Variants in TRAFD1 observed in about 807,000 individuals in gnomAD.
TRAFD1 encodes TRAF-type zinc finger domain-containing protein 1.
In TRAFD1, 38 loss-of-function variants were observed where a neutral mutation model predicts 65.3. The observed-to-expected ratio is 0.58, with a 90% CI of 0.45 to 0.76. The LOEUF (loss-of-function observed/expected upper bound fraction) is 0.76, where lower values mean the gene tolerates loss of function less well. TRAFD1 is among the 30% of genes least tolerant of loss of function. TRAFD1 has a pLI of 0.00. For missense variants in TRAFD1, 631 were observed against 712.6 expected (o/e 0.89, Z 1.30); for synonymous variants, 223 against 257.2 (o/e 0.87, Z 1.27).
chr12:112,127,174 T>A (rs1033393640), intron 1 of TRAFD1, among the ~76,000 whole-genome samples: 2 of 152,172 alleles, frequency 1.3e-5, no homozygotes, highest in African/African-American at 4.8e-5. Flanking sequence ...TTTCCCCGCA[T>A]TCCCATCCTC....
intron 1 of TRAFD1, among the ~76,000 whole-genome samples, chr12:112,128,121 A>G (rs113557045): frequency 7.2e-5 from 11 of 151,976 alleles, no homozygotes; most frequent in African/African-American, 2.7e-4. Context: ...TCCCGGGTTC[A>G]AGCAATTCTG....
intron 2 of TRAFD1, among the ~76,000 whole-genome samples, chr12:112,134,311 G>A (rs937202417): frequency 8.1e-6 from 1 of 124,104 alleles, no homozygotes; most frequent in Non-Finnish European, 1.7e-5. Context: ...CGCCCGGCCA[G>A]TTTTTTTTTT....
At chr12:112,126,659 CTT>C (rs113787826) in intron 1 of TRAFD1, among the ~76,000 whole-genome samples, 6 of 145,496 alleles carry the variant, frequency 4.1e-5, no homozygotes, top group Non-Finnish European at 7.6e-5. Flanking sequence ...GAGTGAATAT[CTT>C]TTTTTTTTTT....
intron 6 of TRAFD1, among the ~76,000 whole-genome samples, chr12:112,144,908 T>C (rs1371769948): frequency 3.9e-5 from 6 of 151,944 alleles, no homozygotes; most frequent in African/African-American, 1.5e-4. Context: ...AATAGAAACA[T>C]AAAAAACAGA....
chr12:112,129,194 T>A (rs1172369142), intron 1 of TRAFD1, among the ~76,000 whole-genome samples: 1 of 48,624 alleles, frequency 2.1e-5, no homozygotes, highest in Admixed American at 2.2e-4. Flanking sequence ...GGGATGGTGA[T>A]TTTTTTTTTT....
rs1387623555 is a variant in TRAFD1, at chr12:112,137,051, C to T, written c.237+1985C>T. Reference sequence around the variant, plus strand: ...CAGCCTGGCCAATATGGTGAAACCCCGTCTCTACTAAAAATACAAAAATTA... The same window carrying T: ...CAGCCTGGCCAATATGGTGAAACCCTGTCTCTACTAAAAATACAAAAATTA... On this transcript the variant is annotated intron_variant, in intron 4 of 11. Transcript: ENST00000412615. The surrounding 1 kb of genome is among the most constrained non-coding windows in gnomAD (Gnocchi z 4.2). Among the ~76,000 whole-genome samples the T allele has an allele frequency of 6.6e-6, 1 of 152,058 alleles. No individual in the cohort carries two copies. The highest frequency in any genetic ancestry group is 1.5e-5 in the Non-Finnish European group (1 of 68,016).
intron 2 of TRAFD1, among the ~76,000 whole-genome samples, chr12:112,131,883 T>A (rs1476739825): frequency 1.3e-5 from 2 of 152,224 alleles, no homozygotes; most frequent in African/African-American, 4.8e-5. Context: ...ATATGTGCAA[T>A]AGTAAATGCT....
chr12:112,134,896 G>A (rs1448317281), intron 3 of TRAFD1, 23 bp downstream of exon 3: 5 of 1,611,366 alleles, frequency 3.1e-6, no homozygotes, highest in African/African-American at 2.7e-5. Context: ...GTACTCAAAT[G>A]TTTATACATG....
At chr12:112,139,034 T>C (rs1396004437) in intron 4 of TRAFD1, among the ~76,000 whole-genome samples, 1 of 151,416 alleles carries the variant, frequency 6.6e-6, no homozygotes, top group South Asian at 2.1e-4. Context: ...TATATCCTTT[T>C]TGGGCTTTAA....
Position 112,130,662 on chromosome 12 carries a change from G to GT in TRAFD1, c.47+93_47+94insT. 6.2e-6 allele frequency: 7 copies of GT among 1,130,294 alleles called. No individual in the cohort carries two copies. The highest frequency in any genetic ancestry group is 9.1e-6 in the Non-Finnish European group (7 of 769,016). The allele number at this position is 1,130,294 out of a possible 1,614,324, so 70.0% of individuals were successfully genotyped here. A position where few individuals can be genotyped will look rare whatever the true frequency, so the allele number is the denominator to read the frequency against. On this transcript the variant is annotated intron_variant, in intron 2 of 11. Coordinates refer to ENST00000412615, the MANE Select transcript of TRAFD1 (RefSeq NM_006700.3). The surrounding 1 kb of genome is among the most constrained non-coding windows in gnomAD (Gnocchi z 4.4). ...GATTTAAAAACTGTTAGTGAAGACT[G>GT]GCACAGTCTTGAGTTAAGCTTTCTA...
chr12:112,145,581 C>T lies in TRAFD1; in HGVS notation c.851-5C>T. 1.2e-6 allele frequency: 2 copies of T among 1,613,944 alleles called. No individual in the cohort carries two copies. Among genetic ancestry groups the T allele is most frequent in the Non-Finnish European group, 1.7e-6 (2 of 1,179,944 alleles). ...CTGAGTCTCATTGTGTGGCCTAATA[C>T]CTAGGTGCAGCTGACGAGATCATGT... On this transcript the variant is annotated splice_polypyrimidine_tract_variant and splice_region_variant and intron_variant, in intron 6 of 11. Coordinates refer to ENST00000412615, the MANE Select transcript of TRAFD1 (RefSeq NM_006700.3).
chr12:112,139,436 C>CT (rs925734961), intron 4 of TRAFD1, among the ~76,000 whole-genome samples: 47 of 144,210 alleles, frequency 3.3e-4, no homozygotes, highest in African/African-American at 4.3e-4. Context: ...TTTTCAAAAG[C>CT]TTTTTTTTTT....
At position 112,152,986 on chromosome 12, in the gene TRAFD1, G is replaced by A. The variant is rs1479541815; in HGVS notation, c.*195G>A. The A allele has an allele frequency of 2.1e-5, 12 of 585,336 alleles. No individual in the cohort carries two copies. The highest frequency in any genetic ancestry group is 1.5e-4 in the East Asian group (5 of 34,214). 36.3% of individuals were successfully genotyped at this position (585,336 alleles called of 1,614,324 possible). A position where few individuals can be genotyped will look rare whatever the true frequency, so the allele number is the denominator to read the frequency against. ...GTTTGAGGGAAGGGAGCAGGGTGGC[G>A]GTTGAGGAACGCTTCAGCCTTAGCT... On this transcript the variant is annotated 3_prime_UTR_variant, in exon 12 of 12. Transcript: ENST00000412615. The surrounding 1 kb of genome is among the most constrained non-coding windows in gnomAD (Gnocchi z 5.0).
intron 1 of TRAFD1, among the ~76,000 whole-genome samples, chr12:112,128,953 TGCAGTGAGCCGAGATC>T (rs1450136601): frequency 2.0e-4 from 30 of 148,724 alleles, no homozygotes; most frequent in South Asian, 6.4e-4. Context: ...AGGTCGAGGT[TGCAGTGAGCCGAGATC>T]GCAGTGAGCC....
Position 112,140,906 on chromosome 12 carries a change from TGTG to T in TRAFD1, c.329_331del (p.Gly110del). The T allele has an allele frequency of 1.2e-6, 2 of 1,614,220 alleles. No homozygotes were observed. Among genetic ancestry groups the T allele is most frequent in the Non-Finnish European group, 8.5e-7 (1 of 1,180,048 alleles). ...CAAACTGAAGGAACATGAAGATTAT[TGTG>T]GTGCCCGGACGGAACTATGTGGCAA... On this transcript the variant is annotated inframe_deletion, in exon 5 of 12. Coordinates refer to ENST00000412615, the MANE Select transcript of TRAFD1 (RefSeq NM_006700.3).
chr12:112,130,738 GATGAA>G lies in TRAFD1; in HGVS notation c.47+176_47+180del, dbSNP rs1157693161. Among the ~76,000 whole-genome samples, 1 of 152,160 alleles carries G rather than the reference GATGAA, an allele frequency of 6.6e-6. No homozygotes were observed. Among genetic ancestry groups the G allele is most frequent in the African/African-American group, 2.4e-5 (1 of 41,426 alleles). Reference sequence around the variant, plus strand: ...TTACAAGAAAGAGCATCTCTTTCCTGATGAAATGAAACCGGTTGTAAAGTTAATAA... The same window carrying G: ...TTACAAGAAAGAGCATCTCTTTCCTGATGAAACCGGTTGTAAAGTTAATAA... On this transcript the variant is annotated intron_variant, in intron 2 of 11. Coordinates refer to ENST00000412615, the MANE Select transcript of TRAFD1 (RefSeq NM_006700.3). The surrounding 1 kb of genome is among the most constrained non-coding windows in gnomAD (Gnocchi z 4.4).
rs761247677 is a variant in TRAFD1, at chr12:112,151,922, A to G, written c.1401A>G (p.Arg467=). ...NMTATYNQLS[R]STSGPRPGCQ... is the part of the protein sequence containing the mutation. Reference sequence around the variant, plus strand: ...CAGCTACCTATAACCAGCTATCGAGATCAACATCAGGCCCCAGACCTGGGT... The same window carrying G: ...CAGCTACCTATAACCAGCTATCGAGGTCAACATCAGGCCCCAGACCTGGGT... Residue 467 remains arginine (R), a synonymous_variant, in exon 10 of 12, where the codon AGA becomes AGG. Transcript: ENST00000412615. 6.2e-7 allele frequency: 1 copy of G among 1,614,016 alleles called. No individual in the cohort carries two copies. Among genetic ancestry groups the G allele is most frequent in the Non-Finnish European group, 8.5e-7 (1 of 1,180,036 alleles).
Position 112,148,137 on chromosome 12 carries a change from G to A in TRAFD1, c.991G>A (p.Val331Met), listed in dbSNP as rs1313329763. The A allele has an allele frequency of 1.2e-6, 2 of 1,614,058 alleles. No homozygotes were observed. ...TACTGGCAGCTCTTCCCCCAGAGGG[G>A]TGGAGGAACCTGATGTCATCTTCCA... ...LNTGSSSPRG[V>M]EEPDVIFQNF... The change falls in exon 8 of 12, where the codon GTG (valine) becomes ATG (methionine). Residue 331 changes from valine (V) to methionine (M), a missense_variant. Coordinates refer to ENST00000412615, the MANE Select transcript of TRAFD1 (RefSeq NM_006700.3).
At position 112,152,455 on chromosome 12, in the gene TRAFD1, C is replaced by G. The variant is rs771826384; in HGVS notation, c.1648C>G (p.Arg550Gly). The G allele has an allele frequency of 1.2e-6, 2 of 1,613,690 alleles. No individual in the cohort carries two copies. Among genetic ancestry groups the G allele is most frequent in the Non-Finnish European group, 1.7e-6 (2 of 1,180,024 alleles). The change falls in exon 11 of 12, where the codon CGG becomes GGG. Residue 550 changes from arginine to glycine, a missense_variant. By Grantham distance (125) the Arg-to-Gly change is moderately radical. Transcript: ENST00000412615. The surrounding 1 kb of genome is among the most constrained non-coding windows in gnomAD (Gnocchi z 5.0). Reference protein sequence around the residue: ...SGRSEGGRNSRVTPAAANYRS... With the variant: ...SGRSEGGRNSGVTPAAANYRS... ...TAGGAGTGAAGGTGGCAGGAATTCC[C>G]GGGTCACCCCTGCAGCTGCCAACTA... is the stretch of plus-strand genomic sequence containing the variant.
Sources: allele counts gnomAD v4.1 joint callset (sites outside exome capture counted in the v4.1 genomes callset), GRCh38; gene constraint gnomAD v4.1.1; non-coding constraint Gnocchi (gnomAD v3.1); transcripts MANE v1.5; gene names NCBI Gene and HGNC (gene_info 2026-07-23, HGNC 2026-07-21).